Variants in LIMCH1 observed in about 807,000 individuals in gnomAD.
LIMCH1 encodes LIM and calponin homology domains-containing protein 1.
Under a neutral mutation model 176.5 loss-of-function variants are expected in LIMCH1, and 113 were observed. That is an observed-to-expected ratio of 0.64 (90% CI 0.55 to 0.75). The LOEUF (loss-of-function observed/expected upper bound fraction) is 0.75, where lower values mean the gene tolerates loss of function less well. LIMCH1 is among the 30% of genes least tolerant of loss of function. The pLI is 0.00. For missense variants in LIMCH1, 1,674 were observed against 1,814.9 expected, an observed-to-expected ratio of 0.92 and a Z score of 1.41; for synonymous variants, 619 against 645.9, an observed-to-expected ratio of 0.96 and a Z score of 0.63.
At chr4:41,663,134 C>CGCGTGTGTGTGT in intron 20 of LIMCH1, 150 bp downstream of exon 20, 1 of 405,328 alleles carries the variant, frequency 2.5e-6, no homozygotes, top group Non-Finnish European at 4.4e-6. Flanking sequence ...TTTTCTTTTT[C>CGCGTGTGTGTGT]GTGTGTGTGT....
At chr4:41,451,012 C>T (rs532461315) in intron 1 of LIMCH1, among the ~76,000 whole-genome samples, 1 of 152,226 alleles carries the variant, frequency 6.6e-6, no homozygotes, top group Admixed American at 6.5e-5. Flanking sequence ...TCATTACCAC[C>T]AAGGTCTCCT....
intron 1 of LIMCH1, among the ~76,000 whole-genome samples, chr4:41,462,736 C>T (rs991836895): frequency 6.6e-6 from 1 of 152,034 alleles, no homozygotes; most frequent in African/African-American, 2.4e-5. Context: ...GAGTAAATAC[C>T]AGTGTTTGCT....
intron 1 of LIMCH1, among the ~76,000 whole-genome samples, chr4:41,544,929 A>G (rs549581694): frequency 1.3e-5 from 2 of 152,328 alleles, no homozygotes; most frequent in South Asian, 4.1e-4. Flanking sequence ...CCAGTTGCCA[A>G]GTAATGAAGA....
At chr4:41,681,632 A>G (rs528388932) in intron 25 of LIMCH1, among the ~76,000 whole-genome samples, 1 of 152,168 alleles carries the variant, frequency 6.6e-6, no homozygotes, top group African/African-American at 2.4e-5. Context: ...CCATTGCACC[A>G]CTGTACTCCA....
chr4:41,632,859 C>T lies in LIMCH1; in HGVS notation c.1712C>T (p.Thr571Ile). 6.5e-7 allele frequency: 1 copy of T among 1,536,020 alleles called. No individual in the cohort carries two copies. The highest frequency in any genetic ancestry group is 8.7e-7 in the Non-Finnish European group (1 of 1,146,752). ...AGTTTGGGCGAGTGCCCGAGGGGGA[C>T]AGAGGAAGGTGAGGAGCAGTGTTTC... ...VCSLGECPRG[T>I]EEVTSKQLPQ... The change falls in exon 11 of 32, where the codon ACA (threonine) becomes ATA (isoleucine). Residue 571 changes from threonine to isoleucine, a missense_variant. This residue lies in a region of LIMCH1 where 1,015 missense variants were observed against 1,102.5 expected (regional missense o/e 0.92). Transcript: ENST00000503057.
At chr4:41,459,894 T>C (rs1200654082) in intron 1 of LIMCH1, among the ~76,000 whole-genome samples, 2 of 152,000 alleles carry the variant, frequency 1.3e-5, no homozygotes, top group Non-Finnish European at 2.9e-5. Context: ...GAAATGACCA[T>C]TGCTAGAGAT....
chr4:41,424,322 C>A (rs1270437788), intron 1 of LIMCH1, among the ~76,000 whole-genome samples: 1 of 152,112 alleles, frequency 6.6e-6, no homozygotes, highest in Non-Finnish European at 1.5e-5. Flanking sequence ...TAGCCCAGCA[C>A]CAAGCATATA....
intron 1 of LIMCH1, among the ~76,000 whole-genome samples, chr4:41,422,656 T>C (rs1349504064): frequency 6.6e-6 from 1 of 152,244 alleles, no homozygotes; most frequent in African/African-American, 2.4e-5. Flanking sequence ...GAAAATGGTA[T>C]ATAATCAATT....
chr4:41,497,006 C>T (rs1245373163), intron 2 of LIMCH1, among the ~76,000 whole-genome samples: 3 of 152,206 alleles, frequency 2.0e-5, no homozygotes, highest in African/African-American at 7.2e-5. Context: ...GGACTCTCTA[C>T]AATTTCAAAT....
At chr4:41,474,354 GC>G (rs2067418345) in intron 1 of LIMCH1, among the ~76,000 whole-genome samples, 1 of 152,062 alleles carries the variant, frequency 6.6e-6, no homozygotes, top group African/African-American at 2.4e-5. Flanking sequence ...GGGTGTGGTG[GC>G]AGGCACCTGT....
rs1245440707 is a variant in LIMCH1 at position 41,396,907 on chromosome 4, AAT to A, written c.96+35973_96+35974del. Among the ~76,000 whole-genome samples the A allele has an allele frequency of 9.5e-4, 144 of 151,934 alleles. 1 individual carries two copies. The highest frequency in any genetic ancestry group is 2.7e-3 in the Admixed American group (41 of 15,254). The stretch of plus-strand genomic sequence containing the variant: ...AGAGCAAGACTGTCTCAAAAAAAAA[AAT>A]AAATAAATAAAAAGTCAGCAAGCTC... On this transcript the variant is annotated intron_variant, in intron 1 of 26. Transcript: ENST00000313860.
intron 1 of LIMCH1, among the ~76,000 whole-genome samples, chr4:41,443,798 T>G (rs2062968418): frequency 6.6e-6 from 1 of 152,188 alleles, no homozygotes; most frequent in Non-Finnish European, 1.5e-5. Flanking sequence ...GAGCATCTGA[T>G]TCCAGCCTGT....
intron 18 of LIMCH1, among the ~76,000 whole-genome samples, chr4:41,658,673 A>T (rs1210047786): frequency 6.6e-6 from 1 of 152,234 alleles, no homozygotes; most frequent in African/African-American, 2.4e-5. Flanking sequence ...AAAGTGCATC[A>T]TATTTAACAG....
intron 27 of LIMCH1, 84 bp from the exon 28 acceptor site, chr4:41,685,626 A>G (rs1386044577): frequency 6.5e-7 from 1 of 1,537,932 alleles, no homozygotes; most frequent in Non-Finnish European, 8.9e-7. Flanking sequence ...CTCAACAGGC[A>G]TTAGCACTTT....
chr4:41,487,888 C>G lies in LIMCH1; in HGVS notation c.97-6648C>G, dbSNP rs534598500. ...AGGATGGTCTCAATCTCCTGACCTC[C>G]TGATCTGCCCGCCTTGGCCTCCCAA... On this transcript the variant is annotated intron_variant, in intron 1 of 26. Transcript: ENST00000313860. Among the ~76,000 whole-genome samples, 118 of 149,600 alleles carry G rather than the reference C, an allele frequency of 7.9e-4. No homozygotes were observed. The East Asian group carries it at 0.02, about 25-fold the overall frequency.
At chr4:41,525,695 G>A (rs2076571284) in intron 3 of LIMCH1, among the ~76,000 whole-genome samples, 1 of 151,986 alleles carries the variant, frequency 6.6e-6, no homozygotes, top group East Asian at 1.9e-4. Context: ...ATATTTGGAA[G>A]GAATATATTT....
rs145146143 is a variant in LIMCH1 at position 41,484,204 on chromosome 4, T to G, written c.97-10332T>G. On this transcript the variant is annotated intron_variant, in intron 1 of 26. Transcript: ENST00000313860. ...TGCTCTTGTAACTCTCTTCCATTAA[T>G]TTATTGAAAACCACACATCTTTTCC... 3.8e-3 allele frequency among the ~76,000 whole-genome samples: 581 copies of G among 152,366 alleles called. 2 individuals are homozygous for G. The highest frequency in any genetic ancestry group is 0.013 in the African/African-American group (545 of 41,592).
chr4:41,377,815 G>T (rs1185872709), intron 1 of LIMCH1, among the ~76,000 whole-genome samples: 2 of 152,152 alleles, frequency 1.3e-5, no homozygotes, highest in Non-Finnish European at 2.9e-5. Context: ...ACTGGTTTTG[G>T]TAAGAGACCC....
At chr4:41,581,214 A>G (rs1185171515) in intron 1 of LIMCH1, among the ~76,000 whole-genome samples, 1 of 152,112 alleles carries the variant, frequency 6.6e-6, no homozygotes, top group African/African-American at 2.4e-5. Context: ...GTATGTATTT[A>G]AGGTGTGCAA....
Sources: gnomAD v4.1 joint callset for allele counts (sites outside exome capture counted in the v4.1 genomes callset) on GRCh38, gnomAD v4.1.1 for gene constraint, gnomAD v4.1.1 regional missense constraint, MANE v1.5 for transcripts, NCBI Gene and HGNC (gene_info 2026-07-23, HGNC 2026-07-21) for gene names.